The following DLGAP2 variants were observed in gnomAD, a reference collection of about 807,000 sequenced individuals.
The protein encoded by DLGAP2 is DLG associated protein 2.
A neutral mutation model predicts 100.3 loss-of-function variants in DLGAP2; 26 were observed. That is an observed-to-expected ratio of 0.26 (90% CI 0.19 to 0.36). The LOEUF is 0.36. DLGAP2 is among the 10% of genes least tolerant of loss of function. DLGAP2 has a pLI of 1.00. For synonymous variants in DLGAP2, 886 were observed against 630.1 expected (o/e 1.41, Z -6.08); for missense variants, 1,858 against 1,453.2 (o/e 1.28, Z -4.53).
At chr8:1,002,179 TG>T (rs1297370743) in intron 2 of DLGAP2, 1 of 152,196 alleles carries the variant, frequency 6.6e-6, no homozygotes, top group African/African-American at 2.4e-5. Flanking sequence ...AGGGGGAGCC[TG>T]GGATTCCTTC....
At chr8:1,093,785 C>T in intron 2 of DLGAP2, among the ~76,000 whole-genome samples, 1 of 152,230 alleles carries the variant, frequency 6.6e-6, no homozygotes, top group Non-Finnish European at 1.5e-5. Context: ...CAGGTGAATA[C>T]ACGACATCAG....
At chr8:864,601 T>C (rs1797455427) in intron 1 of DLGAP2, among the ~76,000 whole-genome samples, 1 of 152,186 alleles carries the variant, frequency 6.6e-6, no homozygotes, top group South Asian at 2.1e-4. Flanking sequence ...TACGATATTT[T>C]AATTCACTTC....
At chr8:1,091,683 G>T (rs1804186942) in intron 2 of DLGAP2, among the ~76,000 whole-genome samples, 1 of 152,244 alleles carries the variant, frequency 6.6e-6, no homozygotes, top group Non-Finnish European at 1.5e-5. Flanking sequence ...ATCATGAGTT[G>T]GTGAAGCAGT....
At chr8:855,547 C>G (rs1256769274) in intron 1 of DLGAP2, among the ~76,000 whole-genome samples, 1 of 152,118 alleles carries the variant, frequency 6.6e-6, no homozygotes, top group Non-Finnish European at 1.5e-5. Flanking sequence ...ACAGACACAT[C>G]AGGAGGAGTG....
In DLGAP2 at chr8:1,139,129, GCCGCTGCGGCCT is replaced by G. The variant is rs535270059; in HGVS notation, c.74-119721_74-119710del. Among the ~76,000 whole-genome samples, 15 of 152,356 alleles carry G rather than the reference GCCGCTGCGGCCT, an allele frequency of 9.8e-5. No individual in the cohort carries two copies. The East Asian group carries it at 2.9e-3, about 29-fold the overall frequency. On this transcript the variant is annotated intron_variant, in intron 2 of 14. Coordinates refer to ENST00000637795, the MANE Select transcript of DLGAP2 (RefSeq NM_001346810.2). Reference sequence around the variant, plus strand: ...ACTGTTTCCTGAGCGCCTGCTGCCGGCCGCTGCGGCCTGGCTGGGGGGATGTGGGCATGGGTG... The same window carrying G: ...ACTGTTTCCTGAGCGCCTGCTGCCGGGGCTGGGGGGATGTGGGCATGGGTG...
At chr8:1,468,129 G>T (rs768588283) in intron 3 of DLGAP2, among the ~76,000 whole-genome samples, 2 of 152,226 alleles carry the variant, frequency 1.3e-5, no homozygotes, top group African/African-American at 4.8e-5. Context: ...GAGCAGGGAG[G>T]TCCAGGCAGG....
At chr8:1,503,124 G>T (rs990992205) in intron 4 of DLGAP2, among the ~76,000 whole-genome samples, 1 of 152,216 alleles carries the variant, frequency 6.6e-6, no homozygotes, top group Non-Finnish European at 1.5e-5. Context: ...CTTGGTGAAG[G>T]CTGGATTGTA....
At chr8:1,326,316 C>A (rs1427689986) in intron 3 of DLGAP2, among the ~76,000 whole-genome samples, 3 of 152,188 alleles carry the variant, frequency 2.0e-5, no homozygotes, top group Non-Finnish European at 4.4e-5. Context: ...TTTTGTTCTT[C>A]CTGGAACAGT....
At chr8:1,624,903 A>G (rs908246087) in intron 6 of DLGAP2, among the ~76,000 whole-genome samples, 4 of 137,694 alleles carry the variant, frequency 2.9e-5, no homozygotes, top group African/African-American at 1.2e-4. Context: ...TTTTTGGTCT[A>G]AGTCAGGGAG....
At chr8:1,695,823 C>T (rs1354030089) in intron 13 of DLGAP2, among the ~76,000 whole-genome samples, 3 of 152,256 alleles carry the variant, frequency 2.0e-5, no homozygotes, top group African/African-American at 7.2e-5. Flanking sequence ...GACTTCGGTG[C>T]AGAACGTGGC....
At chr8:1,267,844 G>A (rs916921206) in intron 3 of DLGAP2, among the ~76,000 whole-genome samples, 5 of 152,004 alleles carry the variant, frequency 3.3e-5, no homozygotes, top group South Asian at 2.1e-4. Flanking sequence ...CTGAGCATGG[G>A]AACTGGTTTT....
At chr8:960,237 C>CTTTTTTTTTTTTTTTTTTTTT (rs71528625) in intron 2 of DLGAP2, among the ~76,000 whole-genome samples, 2,199 of 44,574 alleles carry the variant, frequency 0.049, 925 homozygotes, top group East Asian at 0.2. Context: ...TGAAGTATAT[C>CTTTTTTTTTTTTTTTTTTTTT]TTTTTTTTTT....
chr8:1,473,589 G>A (rs1798857469), intron 3 of DLGAP2, among the ~76,000 whole-genome samples: 1 of 152,222 alleles, frequency 6.6e-6, no homozygotes, highest in Non-Finnish European at 1.5e-5. Context: ...GCTCAAGCGA[G>A]CTTTGGGGTG....
At chr8:1,681,692 T>A (rs929379294) in intron 12 of DLGAP2, among the ~76,000 whole-genome samples, 4 of 152,208 alleles carry the variant, frequency 2.6e-5, no homozygotes, top group African/African-American at 9.6e-5. Flanking sequence ...CCTGAACACA[T>A]ATGATATGTC....
At position 1,178,992 on chromosome 8, in the gene DLGAP2, T is replaced by C. The variant is rs369034799; in HGVS notation, c.74-79859T>C. Among the ~76,000 whole-genome samples the C allele has an allele frequency of 1.4e-3, 207 of 152,318 alleles. 9 individuals are homozygous for C. The South Asian group carries it at 0.038, about 28-fold the overall frequency. ...CTCCAGTTCACCAGCTTTAGGTCCC[T>C]ACAGATTAATTTCGAGCCCCTGCTG... On this transcript the variant is annotated intron_variant, in intron 2 of 14. Coordinates refer to ENST00000637795, the MANE Select transcript of DLGAP2 (RefSeq NM_001346810.2).
chr8:1,039,470 A>AGCTCGGTTTCCGTGGTCG (rs1802238372), intron 2 of DLGAP2, among the ~76,000 whole-genome samples: 1 of 131,176 alleles, frequency 7.6e-6, no homozygotes, highest in East Asian at 2.3e-4. Context: ...ATGCATGTTC[A>AGCTCGGTTTCCGTGGTCG]GCTCGGTTTC....
intron 2 of DLGAP2, among the ~76,000 whole-genome samples, chr8:1,047,864 C>G (rs1262716627): frequency 1.3e-5 from 2 of 152,190 alleles, no homozygotes; most frequent in Non-Finnish European, 2.9e-5. Flanking sequence ...CAATCTATCG[C>G]AGCATCCTTG....
chr8:1,203,525 G>A (rs543839891), intron 2 of DLGAP2, among the ~76,000 whole-genome samples: 1 of 152,166 alleles, frequency 6.6e-6, no homozygotes, highest in African/African-American at 2.4e-5. Context: ...CCTTCTCAGC[G>A]ATCTCTGTGG....
chr8:1,057,558 G>C (rs1802919384), intron 2 of DLGAP2, among the ~76,000 whole-genome samples: 1 of 152,116 alleles, frequency 6.6e-6, no homozygotes, highest in Non-Finnish European at 1.5e-5. Context: ...GCTATCTCTT[G>C]ATTTCTTATG....
Sources: allele counts gnomAD v4.1 joint callset (sites outside exome capture counted in the v4.1 genomes callset), GRCh38; gene constraint gnomAD v4.1.1; transcripts MANE v1.5; gene names NCBI Gene and HGNC (gene_info 2026-07-23, HGNC 2026-07-21).